CNNM1: variants seen among roughly 807,000 people sequenced by gnomAD.
CNNM1 encodes the protein cyclin and CBS domain divalent metal cation transport mediator 1, also known as metal transporter CNNM1.
Under a neutral mutation model 78.8 loss-of-function variants are expected in CNNM1, and 44 were observed. The observed-to-expected ratio is 0.56, with a 90% confidence interval of 0.44 to 0.72. The LOEUF (loss-of-function observed/expected upper bound fraction) is 0.72, where lower values mean the gene tolerates loss of function less well. CNNM1 is among the 30% of genes least tolerant of loss of function. The pLI is 0.00. For synonymous variants in CNNM1, 584 were observed against 581.5 expected (o/e 1.00, Z -0.06); for missense variants, 1,101 against 1,292.2 (o/e 0.85, Z 2.27).
At chr10:99,369,081 A>G (rs1032524627) in intron 6 of CNNM1, among the ~76,000 whole-genome samples, 1 of 152,188 alleles carries the variant, frequency 6.6e-6, no homozygotes, top group Non-Finnish European at 1.5e-5. Flanking sequence ...CATCTTCCTA[A>G]TAATGTTACT....
chr10:99,377,213 G>A lies in CNNM1; in HGVS notation c.2335G>A (p.Val779Met). The A allele has an allele frequency of 1.2e-6, 2 of 1,613,482 alleles. No homozygotes were observed. The highest frequency in any genetic ancestry group is 2.2e-5 in the East Asian group (1 of 44,870). ...SVHILSDVQF[V>M]KITRQQYQNA... ...CCACATCCTCAGCGATGTGCAGTTT[G>A]TGAAGGTAACTCCCCCAGGAAGGTT... The change falls in exon 7 of 11, where the codon GTG (valine) becomes ATG (methionine). Residue 779 changes from valine to methionine, a missense_variant. By Grantham distance (21) the Val-to-Met change is conservative. Around this residue, in one of 3 missense-constraint regions of CNNM1, gnomAD observed 348 missense variants for 384.5 expected, o/e 0.90. Transcript: ENST00000356713.
Position 99,387,874 on chromosome 10 carries a change from C to CCT in CNNM1, c.2397_2398dup (p.Gln800LeufsTer50), listed in dbSNP as rs1379542357. 1.5e-5 allele frequency: 24 copies of CCT among 1,613,456 alleles called. No homozygotes were observed. The highest frequency in any genetic ancestry group is 1.9e-5 in the Non-Finnish European group (22 of 1,179,706). On this transcript the variant is annotated frameshift_variant, in exon 8 of 11. Coordinates refer to ENST00000356713, the MANE Select transcript of CNNM1 (RefSeq NM_020348.3). LOFTEE classifies it high-confidence loss of function. ...CACTGCCTGCCACATGGACAGCTCA[C>CCT]CTCAGTCCCCTGACATGGAGGCCTT...
intron 1 of CNNM1, among the ~76,000 whole-genome samples, chr10:99,342,390 G>A (rs2030494449): frequency 6.6e-6 from 1 of 152,134 alleles, no homozygotes; most frequent in African/African-American, 2.4e-5. Context: ...ATTTTTTCAT[G>A]CCCTAGTGAT....
intron 1 of CNNM1, among the ~76,000 whole-genome samples, chr10:99,340,385 C>T (rs2030386666): frequency 6.6e-6 from 1 of 152,150 alleles, no homozygotes; most frequent in Non-Finnish European, 1.5e-5. Context: ...TAACTAAATC[C>T]CACAGGCTGC....
At chr10:99,355,275 T>TGGG (rs2031097335) in intron 1 of CNNM1, among the ~76,000 whole-genome samples, 1 of 59,832 alleles carries the variant, frequency 1.7e-5, no homozygotes, top group Non-Finnish European at 3.3e-5. Flanking sequence ...GGGCCTGTTG[T>TGGG]GGGGTGGGGG....
At chr10:99,348,050 AT>A (rs397955419) in intron 1 of CNNM1, among the ~76,000 whole-genome samples, 20 of 131,670 alleles carry the variant, frequency 1.5e-4, no homozygotes, top group Admixed American at 4.5e-4. Flanking sequence ...ATATATATAT[AT>A]TTTTTTTTTT....
intron 6 of CNNM1, among the ~76,000 whole-genome samples, chr10:99,373,132 G>A (rs568609199): frequency 1.8e-4 from 27 of 152,252 alleles, no homozygotes; most frequent in South Asian, 1.7e-3. Context: ...AAGCTTCCAC[G>A]GATGGAAGGA....
intron 6 of CNNM1, among the ~76,000 whole-genome samples, chr10:99,372,281 C>G (rs2031827812): frequency 6.6e-6 from 1 of 152,136 alleles, no homozygotes; most frequent in Non-Finnish European, 1.5e-5. Context: ...GTAGCCAACC[C>G]AGGACAGATA....
chr10:99,330,848 G>A lies in CNNM1; in HGVS notation c.1461G>A (p.Val487=). Residue 487 remains valine (V), a synonymous_variant, in exon 1 of 11, where the codon GTG becomes GTA. Transcript: ENST00000356713. The stretch of plus-strand genomic sequence containing the variant: ...TATTTGTCAAGGACTTGGCCTTCGT[G>A]GACCCCGACGACTGCACCCCGCTCC... The part of the protein sequence containing the change: ...DILFVKDLAF[V]DPDDCTPLLT... The A allele has an allele frequency of 1.9e-6, 3 of 1,614,110 alleles. No individual in the cohort carries two copies. Among genetic ancestry groups the A allele is most frequent in the Non-Finnish European group, 2.5e-6 (3 of 1,180,026 alleles).
intron 2 of CNNM1, among the ~76,000 whole-genome samples, chr10:99,359,538 T>C (rs2031353695): frequency 6.6e-6 from 1 of 151,764 alleles, no homozygotes; most frequent in Non-Finnish European, 1.5e-5. Context: ...GCAAAAGGAG[T>C]GTCAAAGCAG....
chr10:99,340,629 A>G (rs2030400810), intron 1 of CNNM1, among the ~76,000 whole-genome samples: 1 of 152,036 alleles, frequency 6.6e-6, no homozygotes, highest in South Asian at 2.1e-4. Context: ...CTTCAATAAC[A>G]GCTCTAAATT....
Position 99,360,870 on chromosome 10 carries a change from G to GAGCGGA in CNNM1, c.1759_1764dup (p.Lys587_Arg588dup). ...GAAAAAGCAGAGGGTCCCGCAACGG[G>GAGCGGA]AGCGGAAGCGGCATGACTTCTCCTT... On this transcript the variant is annotated inframe_insertion, in exon 3 of 11. Coordinates refer to ENST00000356713, the MANE Select transcript of CNNM1 (RefSeq NM_020348.3). 1 of 1,612,132 alleles carries GAGCGGA rather than the reference G, an allele frequency of 6.2e-7. No individual in the cohort carries two copies. The highest frequency in any genetic ancestry group is 8.5e-7 in the Non-Finnish European group (1 of 1,178,402).
At chr10:99,385,316 C>G (rs2032276311) in intron 7 of CNNM1, among the ~76,000 whole-genome samples, 1 of 152,164 alleles carries the variant, frequency 6.6e-6, no homozygotes, top group Admixed American at 6.5e-5. Context: ...CCCTTTCCTT[C>G]TGTCCCGCTT....
intron 1 of CNNM1, among the ~76,000 whole-genome samples, chr10:99,336,022 T>C (rs1428916322): frequency 6.6e-6 from 1 of 152,222 alleles, no homozygotes; most frequent in Non-Finnish European, 1.5e-5. Flanking sequence ...GGCTTCAACA[T>C]ATGAATTTTG....
chr10:99,384,894 C>T (rs1264117250), intron 7 of CNNM1, among the ~76,000 whole-genome samples: 1 of 151,982 alleles, frequency 6.6e-6, no homozygotes, highest in Non-Finnish European at 1.5e-5. Flanking sequence ...TGGTGAAACC[C>T]CGTATCTATT....
At chr10:99,356,780 G>A (rs750780083) in intron 1 of CNNM1, among the ~76,000 whole-genome samples, 1 of 152,100 alleles carries the variant, frequency 6.6e-6, no homozygotes, top group African/African-American at 2.4e-5. Context: ...CTGGAAGGGT[G>A]GGCTCAGCTG....
intron 7 of CNNM1, among the ~76,000 whole-genome samples, chr10:99,379,451 A>G (rs963832710): frequency 6.6e-6 from 1 of 152,102 alleles, no homozygotes; most frequent in Admixed American, 6.5e-5. Context: ...CTGAGACTTG[A>G]AAGGGGAGGG....
chr10:99,389,034 G>T (rs1432652181), intron 9 of CNNM1, among the ~76,000 whole-genome samples: 1 of 152,132 alleles, frequency 6.6e-6, no homozygotes, highest in African/African-American at 2.4e-5. Context: ...CAAGCCAGCA[G>T]TTCCCCCACC....
chr10:99,365,222 G>C, intron 6 of CNNM1: 1 of 640,468 alleles, frequency 1.6e-6, no homozygotes, highest in Non-Finnish European at 2.9e-6. Flanking sequence ...CTGCTTCTCT[G>C]CTCACATGGT....
Sources: allele counts gnomAD v4.1 joint callset (sites outside exome capture counted in the v4.1 genomes callset), GRCh38; gene constraint gnomAD v4.1.1; regional missense constraint gnomAD v4.1.1; transcripts MANE v1.5; gene names NCBI Gene and HGNC (gene_info 2026-07-23, HGNC 2026-07-21).